The following SEMA6D variants were observed in gnomAD, a reference collection of about 807,000 sequenced individuals.
SEMA6D encodes the protein semaphorin 6D, also known as semaphorin-6D.
A neutral mutation model predicts 106.6 loss-of-function variants in SEMA6D; 35 were observed. That is an observed-to-expected ratio of 0.33 (90% CI 0.25 to 0.44). The LOEUF (loss-of-function observed/expected upper bound fraction) is 0.44. SEMA6D is among the 20% of genes least tolerant of loss of function. The pLI is 1.00. For missense variants in SEMA6D, 1,185 were observed against 1,345.9 expected, an observed-to-expected ratio of 0.88 and a Z score of 1.87; for synonymous variants, 499 against 487.7, an observed-to-expected ratio of 1.02 and a Z score of -0.31.
chr15:47,770,728 A>G lies in SEMA6D; in HGVS notation c.2165A>G (p.Asp722Gly), dbSNP rs758426847. The G allele has an allele frequency of 6.2e-7, 1 of 1,614,036 alleles. No homozygotes were observed. The highest frequency in any genetic ancestry group is 8.5e-7 in the Non-Finnish European group (1 of 1,180,012). ...GSFAKLNGLF[D>G]SPVKEYQQNI... ...TTTGCCAAACTGAATGGTCTCTTTGACAGCCCTGTCAAGGAATACCAACAG... is the reference window on the plus strand; with the variant it reads ...TTTGCCAAACTGAATGGTCTCTTTGGCAGCCCTGTCAAGGAATACCAACAG... Residue 722 changes from aspartate to glycine, a missense_variant, in exon 19 of 19, where the codon GAC becomes GGC. Around this residue, in one of 3 missense-constraint regions of SEMA6D, gnomAD observed 750 missense variants for 783.5 expected, o/e 0.96. Transcript: ENST00000536845.
At chr15:47,298,775 T>C (rs1350535862) in intron 1 of SEMA6D, among the ~76,000 whole-genome samples, 1 of 152,194 alleles carries the variant, frequency 6.6e-6, no homozygotes, top group South Asian at 2.1e-4. Flanking sequence ...GACCCAGCTC[T>C]GGGCCCAGCT....
At chr15:47,694,637 C>T (rs1314015519) in intron 4 of SEMA6D, among the ~76,000 whole-genome samples, 1 of 152,028 alleles carries the variant, frequency 6.6e-6, no homozygotes, top group East Asian at 1.9e-4. Context: ...GCTGTGTATT[C>T]ATTCACCTGA....
In SEMA6D at chr15:47,552,891, A is replaced by AATATATATATATATTTATAT. The variant is rs1566883077; in HGVS notation, c.-86-47960_-86-47959insTTATATATATATATATATAT. On this transcript the variant is annotated intron_variant, in intron 3 of 19. Coordinates refer to the SEMA6D transcript ENST00000558014. ...TTTTATATATATATAAATATATATAAATATATATATATATAAATATATATA... is the reference window on the plus strand; with the variant it reads ...TTTTATATATATATAAATATATATAAATATATATATATATTTATATATATATATATATATAAATATATATA... 8.9e-3 allele frequency among the ~76,000 whole-genome samples: 313 copies of AATATATATATATATTTATAT among 35,276 alleles called. 10 individuals are homozygous for AATATATATATATATTTATAT. Among genetic ancestry groups the AATATATATATATATTTATAT allele is most frequent in the Middle Eastern group, 0.017 (1 of 60 alleles). The allele number at this position is 35,276 out of a possible 152,430, so 23.1% of individuals were successfully genotyped here. A position where few individuals can be genotyped will look rare whatever the true frequency, so the allele number is the denominator to read the frequency against.
At chr15:47,578,437 C>G (rs2076194972) in intron 3 of SEMA6D, among the ~76,000 whole-genome samples, 1 of 152,156 alleles carries the variant, frequency 6.6e-6, no homozygotes, top group African/African-American at 2.4e-5. Flanking sequence ...TACAAGAGCA[C>G]ACATTGACTA....
intron 4 of SEMA6D, among the ~76,000 whole-genome samples, chr15:47,602,358 A>ATAAC (rs2076680464): frequency 6.6e-6 from 1 of 152,206 alleles, no homozygotes; most frequent in South Asian, 2.1e-4. Context: ...ATTAAACAGG[A>ATAAC]TAACTAACTC....
At chr15:47,707,120 T>C (rs1340979233) in intron 4 of SEMA6D, among the ~76,000 whole-genome samples, 1 of 152,208 alleles carries the variant, frequency 6.6e-6, no homozygotes, top group Non-Finnish European at 1.5e-5. Context: ...TCTGAAATGA[T>C]CCACTCTCTT....
At chr15:47,259,245 C>G (rs934122978) in intron 1 of SEMA6D, among the ~76,000 whole-genome samples, 9 of 152,180 alleles carry the variant, frequency 5.9e-5, no homozygotes, top group African/African-American at 2.2e-4. Flanking sequence ...TACTTCTGCT[C>G]TTCCCATTGT....
At chr15:47,277,019 CT>C (rs1566967776) in intron 1 of SEMA6D, among the ~76,000 whole-genome samples, 1 of 152,086 alleles carries the variant, frequency 6.6e-6, no homozygotes, top group Admixed American at 6.6e-5. Context: ...GAGGAAATAA[CT>C]GTAGATGTGG....
chr15:47,335,920 A>C (rs1017374604), intron 1 of SEMA6D, among the ~76,000 whole-genome samples: 1 of 152,206 alleles, frequency 6.6e-6, no homozygotes, highest in African/African-American at 2.4e-5. Context: ...TTCCCCCAGC[A>C]TAAAAGGGCC....
intron 1 of SEMA6D, among the ~76,000 whole-genome samples, chr15:47,311,743 G>A (rs2036455008): frequency 6.6e-6 from 1 of 152,078 alleles, no homozygotes; most frequent in Admixed American, 6.5e-5. Flanking sequence ...AACAACAAAA[G>A]TCAAGGAGTA....
rs530520348 is a variant in SEMA6D at position 47,650,950 on chromosome 15, G to C, written c.-55+50054G>C. Among the ~76,000 whole-genome samples the C allele has an allele frequency of 6.6e-5, 10 of 152,304 alleles. No homozygotes were observed. In the South Asian group the frequency reaches 2.1e-3, roughly 32 times the overall value. On this transcript the variant is annotated intron_variant, in intron 4 of 19. Coordinates refer to the SEMA6D transcript ENST00000558014. Reference sequence around the variant, plus strand: ...ATTAGACCAGTCAGTGTTTGCACCTGTTCTCCCTTTACTGATTGCCAGTGA... The same window carrying C: ...ATTAGACCAGTCAGTGTTTGCACCTCTTCTCCCTTTACTGATTGCCAGTGA...
At chr15:47,244,420 A>G (rs1294780636) in intron 1 of SEMA6D, among the ~76,000 whole-genome samples, 2 of 152,206 alleles carry the variant, frequency 1.3e-5, no homozygotes, top group African/African-American at 4.8e-5. Flanking sequence ...TCATTCTAAT[A>G]TCCTCAGCCC....
intron 4 of SEMA6D, among the ~76,000 whole-genome samples, chr15:47,681,342 G>A (rs1002177902): frequency 6.6e-6 from 1 of 152,192 alleles, no homozygotes; most frequent in Admixed American, 6.5e-5. Context: ...AAATAAGCCA[G>A]TCACAGAAGG....
In SEMA6D at chr15:47,671,947, C is replaced by G. The variant is rs148030185; in HGVS notation, c.-55+71051C>G. 5.7e-3 allele frequency among the ~76,000 whole-genome samples: 864 copies of G among 152,260 alleles called. 6 individuals are homozygous for G. The highest frequency in any genetic ancestry group is 8.1e-3 in the Non-Finnish European group (549 of 68,012). On this transcript the variant is annotated intron_variant, in intron 4 of 19. Transcript: ENST00000558014. ...ACTACTATTTATTGAGCATTTACAG[C>G]ATGCCAAATAGTCTGCTAATAATAT...
At chr15:47,529,721 T>G (rs1161308500) in intron 3 of SEMA6D, among the ~76,000 whole-genome samples, 1 of 152,162 alleles carries the variant, frequency 6.6e-6, no homozygotes, top group African/African-American at 2.4e-5. Context: ...GGAAAGAGCT[T>G]TGTTCCACAA....
At chr15:47,221,148 T>A (rs1314947446) in intron 1 of SEMA6D, among the ~76,000 whole-genome samples, 1 of 152,158 alleles carries the variant, frequency 6.6e-6, no homozygotes, top group African/African-American at 2.4e-5. Context: ...TTTATTGGGT[T>A]TGGCCAATAG....
At chr15:47,519,100 T>C (rs1410482764) in intron 3 of SEMA6D, among the ~76,000 whole-genome samples, 1 of 151,640 alleles carries the variant, frequency 6.6e-6, no homozygotes, top group East Asian at 1.9e-4. Context: ...GGTGGTCAAA[T>C]ACAAAACAAT....
At chr15:47,331,344 G>A in intron 1 of SEMA6D, among the ~76,000 whole-genome samples, 1 of 152,072 alleles carries the variant, frequency 6.6e-6, no homozygotes, top group East Asian at 1.9e-4. Context: ...AGATATATAT[G>A]GAAGTAGATT....
chr15:47,722,356 T>C (rs546853383), intron 1 of SEMA6D, among the ~76,000 whole-genome samples: 15 of 152,312 alleles, frequency 9.8e-5, no homozygotes, highest in South Asian at 2.1e-4. Context: ...AAGACCTTTT[T>C]TGGTGAACTG....
Sources: gnomAD v4.1 joint callset for allele counts (sites outside exome capture counted in the v4.1 genomes callset) on GRCh38, gnomAD v4.1.1 for gene constraint, gnomAD v4.1.1 regional missense constraint, MANE v1.5 for transcripts, NCBI Gene and HGNC (gene_info 2026-07-23, HGNC 2026-07-21) for gene names.